The following CSMD1 variants were observed in gnomAD, a reference collection of about 807,000 sequenced individuals.
CSMD1 encodes the protein CUB and Sushi multiple domains 1, also known as CUB and sushi domain-containing protein 1.
CSMD1 carries 213 observed loss-of-function variants against 417.5 expected under a neutral mutation model. That is an observed-to-expected ratio of 0.51 (90% confidence interval 0.46 to 0.57). The LOEUF (loss-of-function observed/expected upper bound fraction) is 0.57, where lower values mean the gene tolerates loss of function less well. Ranked by LOEUF, CSMD1 falls within the 20% of genes least tolerant of loss-of-function variation. CSMD1 has a pLI of 0.00. For missense variants in CSMD1, 6,923 were observed against 4,529.7 expected (o/e 1.53, Z -15.17); for synonymous variants, 2,862 against 1,736.8 (o/e 1.65, Z -16.11).
chr8:4,157,847 C>G (rs1211144662), intron 3 of CSMD1, among the ~76,000 whole-genome samples: 1 of 152,150 alleles, frequency 6.6e-6, no homozygotes, highest in Non-Finnish European at 1.5e-5. Flanking sequence ...CACAGGAAAA[C>G]AGGATGCTGA....
chr8:4,884,783 G>A lies in CSMD1; in HGVS notation c.85+109549C>T, dbSNP rs906114562. Among the ~76,000 whole-genome samples the A allele has an allele frequency of 1.5e-4, 23 of 152,018 alleles. 1 individual carries two copies. The highest frequency in any genetic ancestry group is 5.1e-4 in the African/African-American group (21 of 41,368). ...TCTTATTGCGGTAGCTTTGGAATAA[G>A]ATTTGGGAAGCATGAGTTCTCTAAC... is the stretch of plus-strand genomic sequence containing the variant. On this transcript the variant is annotated intron_variant, in intron 1 of 69. Transcript: ENST00000635120.
chr8:3,970,853 G>A (rs949506572), intron 5 of CSMD1, among the ~76,000 whole-genome samples: 10 of 152,064 alleles, frequency 6.6e-5, no homozygotes, highest in Non-Finnish European at 1.2e-4. Context: ...CCGGGTTCAC[G>A]CCATTCTCCT....
chr8:4,829,979 G>T (rs544573128), intron 1 of CSMD1, among the ~76,000 whole-genome samples: 3 of 152,034 alleles, frequency 2.0e-5, no homozygotes, highest in Non-Finnish European at 2.9e-5. Flanking sequence ...CAAACATATC[G>T]GACAGCTTGT....
intron 3 of CSMD1, among the ~76,000 whole-genome samples, chr8:4,248,341 C>G (rs755795050): frequency 6.6e-6 from 1 of 152,122 alleles, no homozygotes; most frequent in East Asian, 1.9e-4. Context: ...TTCTCCCAGC[C>G]AAACACGCTT....
chr8:4,311,622 C>T (rs533718673), intron 3 of CSMD1, among the ~76,000 whole-genome samples: 106 of 150,324 alleles, frequency 7.1e-4, no homozygotes, highest in Non-Finnish European at 1.2e-3. Context: ...ACTTGGGAAG[C>T]TTAGACAGGA....
intron 3 of CSMD1, among the ~76,000 whole-genome samples, chr8:4,277,095 C>G (rs929160745): frequency 1.3e-5 from 2 of 152,056 alleles, no homozygotes; most frequent in African/African-American, 4.8e-5. Flanking sequence ...TTGCATGTAA[C>G]TTTTCTGCCA....
At chr8:4,496,174 G>C (rs80283530) in intron 2 of CSMD1, among the ~76,000 whole-genome samples, 2,123 of 152,286 alleles carry the variant, frequency 0.014, 50 homozygotes, top group African/African-American at 0.049. Context: ...ACTATGAAGA[G>C]AAAATTTAAA....
chr8:3,157,254 C>A (rs1819593924), intron 39 of CSMD1, among the ~76,000 whole-genome samples: 1 of 152,108 alleles, frequency 6.6e-6, no homozygotes, highest in Non-Finnish European at 1.5e-5. Flanking sequence ...AAAGGGCACC[C>A]TGACATCACC....
intron 54 of CSMD1, among the ~76,000 whole-genome samples, chr8:2,985,450 C>A (rs112717436): frequency 3.3e-4 from 50 of 151,930 alleles, no homozygotes; most frequent in Non-Finnish European, 5.3e-4. Flanking sequence ...TGTTTCACCA[C>A]GTGAGGGAGG....
intron 4 of CSMD1, among the ~76,000 whole-genome samples, chr8:4,002,284 A>G (rs1482494518): frequency 6.6e-6 from 1 of 152,076 alleles, no homozygotes. Flanking sequence ...AGCACCTGCT[A>G]TAGTGCTGTA....
At chr8:3,178,641 C>T (rs1821090710) in intron 37 of CSMD1, among the ~76,000 whole-genome samples, 1 of 152,130 alleles carries the variant, frequency 6.6e-6, no homozygotes, top group Non-Finnish European at 1.5e-5. Flanking sequence ...AAGAAATGAG[C>T]AGACTTCAAA....
At chr8:4,135,629 A>G (rs186607222) in intron 3 of CSMD1, among the ~76,000 whole-genome samples, 1 of 152,312 alleles carries the variant, frequency 6.6e-6, no homozygotes, top group Admixed American at 6.5e-5. Flanking sequence ...TTAATAGTTC[A>G]AAGATGTTTG....
At position 3,052,611 on chromosome 8, in the gene CSMD1, C is replaced by A. The variant is rs1343790235; in HGVS notation, c.7511G>T (p.Gly2504Val). Reference sequence around the variant, plus strand: ...AGTGAACTCGTTCCCGGTAAATGAACCGTTTCCTGGGGATTCTGGGATTCC... The same window carrying A: ...AGTGAACTCGTTCCCGGTAAATGAAACGTTTCCTGGGGATTCTGGGATTCC... ...SCGIPESPGNGSFTGNEFTLD... is the reference protein window; with the variant it reads ...SCGIPESPGNVSFTGNEFTLD... Residue 2504 changes from glycine (G) to valine (V), a missense_variant, in exon 50 of 70, where the codon GGT becomes GTT. Transcript: ENST00000635120. 6.2e-7 allele frequency: 1 copy of A among 1,611,614 alleles called. No homozygotes were observed. Among genetic ancestry groups the A allele is most frequent in the Non-Finnish European group, 8.5e-7 (1 of 1,178,984 alleles).
intron 49 of CSMD1, among the ~76,000 whole-genome samples, chr8:3,067,608 T>C (rs919883941): frequency 6.7e-6 from 1 of 149,478 alleles, no homozygotes; most frequent in African/African-American, 2.4e-5. Context: ...TAATATATAG[T>C]ATATAATATA....
intron 5 of CSMD1, among the ~76,000 whole-genome samples, chr8:3,936,623 T>C (rs1330157231): frequency 6.6e-6 from 1 of 152,156 alleles, no homozygotes; most frequent in Non-Finnish European, 1.5e-5. Flanking sequence ...TGTTGAGACG[T>C]ACTGCTCAGA....
chr8:3,686,600 A>G (rs552412562), intron 7 of CSMD1, among the ~76,000 whole-genome samples: 2 of 152,338 alleles, frequency 1.3e-5, no homozygotes, highest in African/African-American at 4.8e-5. Context: ...CAGTGTTCTT[A>G]TCATCAAGCA....
chr8:3,083,464 C>T (rs1389620694), intron 49 of CSMD1, among the ~76,000 whole-genome samples: 1 of 149,256 alleles, frequency 6.7e-6, no homozygotes, highest in Non-Finnish European at 1.5e-5. Context: ...TTTAATTTTT[C>T]TGATTATATA....
intron 3 of CSMD1, among the ~76,000 whole-genome samples, chr8:4,181,426 G>C (rs180969162): frequency 6.6e-6 from 1 of 151,286 alleles, no homozygotes; most frequent in East Asian, 2.0e-4. Context: ...GGCTTCCCTG[G>C]GCAACATTGG....
chr8:4,475,494 G>A (rs376643116), intron 2 of CSMD1, among the ~76,000 whole-genome samples: 8 of 152,188 alleles, frequency 5.3e-5, no homozygotes, highest in African/African-American at 1.9e-4. Flanking sequence ...CCAGAATTGT[G>A]TTTTTTAGAG....
Sources: allele counts gnomAD v4.1 joint callset (sites outside exome capture counted in the v4.1 genomes callset), GRCh38; gene constraint gnomAD v4.1.1; transcripts MANE v1.5; gene names NCBI Gene and HGNC (gene_info 2026-07-23, HGNC 2026-07-21).